SLC25A32: variants seen among roughly 807,000 people sequenced by gnomAD.
The protein encoded by SLC25A32 is Glycine auxotroph B, complementation of hamster.
In SLC25A32, 32 loss-of-function variants were observed where a neutral mutation model predicts 39.0. The observed-to-expected ratio is 0.82, with a 90% CI of 0.62 to 1.10. The LOEUF (loss-of-function observed/expected upper bound fraction) is 1.10, where lower values mean the gene tolerates loss of function less well. Among genes scored for constraint, SLC25A32 ranks in the 50% least tolerant of loss-of-function variants. The pLI, the probability that SLC25A32 is intolerant of heterozygous loss-of-function variation, is 0.00. For missense variants in SLC25A32, 367 were observed against 395.3 expected (o/e 0.93, Z 0.61); for synonymous variants, 166 against 152.4 (o/e 1.09, Z -0.66).
At chr8:103,414,354 C>G (rs747074214) in intron 1 of SLC25A32, among the ~76,000 whole-genome samples, 4 of 152,286 alleles carry the variant, frequency 2.6e-5, no homozygotes, top group Admixed American at 1.3e-4. Flanking sequence ...TAAATCTACT[C>G]CCAACCATTC....
intron 1 of SLC25A32, among the ~76,000 whole-genome samples, chr8:103,410,656 C>A (rs1216743043): frequency 6.6e-6 from 1 of 152,132 alleles, no homozygotes; most frequent in African/African-American, 2.4e-5. Context: ...ACCTCATGAT[C>A]ATTTTAAAAA....
rs190794534 is a variant in SLC25A32, at chr8:103,403,230, T to C, written c.486A>G (p.Gln162=). 12 of 1,612,986 alleles carry C rather than the reference T, an allele frequency of 7.4e-6. No individual in the cohort carries two copies. Among genetic ancestry groups the C allele is most frequent in the East Asian group, 6.7e-5 (3 of 44,822 alleles). ...YDAVVNSPHR[Q]YKGMFDTLVK... is the part of the protein sequence containing the mutation. ...CAAGTGTATCAAACATTCCTTTATATTGTCGGTGTGGGGAGTTAACAACAG... is the reference window on the plus strand; with the variant it reads ...CAAGTGTATCAAACATTCCTTTATACTGTCGGTGTGGGGAGTTAACAACAG... The change falls in exon 4 of 7, where the codon CAA becomes CAG. Residue 162 remains glutamine (Q), a synonymous_variant. Transcript: ENST00000297578.
In SLC25A32 at chr8:103,400,234, G is replaced by A. The variant is rs1816187422; in HGVS notation, c.*177C>T. On this transcript the variant is annotated 3_prime_UTR_variant, in exon 7 of 7. Coordinates refer to ENST00000297578, the MANE Select transcript of SLC25A32 (RefSeq NM_030780.5). The stretch of plus-strand genomic sequence containing the variant: ...GGTAGCCAAGTTCCATATATATGGG[G>A]AAGGCAAAAAGCAAGAAAAACATTG... The A allele has an allele frequency of 1.8e-6, 1 of 544,652 alleles. No homozygotes were observed. 33.7% of individuals were successfully genotyped at this position (544,652 alleles called of 1,614,324 possible).
At chr8:103,402,582 T>C (rs548953003) in intron 4 of SLC25A32, 4 of 152,292 alleles carry the variant, frequency 2.6e-5, no homozygotes, top group Admixed American at 1.3e-4. Context: ...AACCTATGTA[T>C]GCCTAAAAAT....
At chr8:103,404,302 A>G (rs117499883) in intron 3 of SLC25A32, among the ~76,000 whole-genome samples, 4,326 of 152,328 alleles carry the variant, frequency 0.028, 85 homozygotes, top group Middle Eastern at 0.044. Context: ...CTGCTAAGAA[A>G]TTCCATATAA....
At chr8:103,403,100 AGAC>A in intron 4 of SLC25A32, 61 bp downstream of exon 4, 1 of 1,234,186 alleles carries the variant, frequency 8.1e-7, no homozygotes, top group Non-Finnish European at 1.1e-6. Flanking sequence ...TTCAGAACTA[AGAC>A]AACAGAGCCA....
Position 103,410,372 on chromosome 8 carries a change from T to C in SLC25A32, c.155-2588A>G, listed in dbSNP as rs551097867. On this transcript the variant is annotated intron_variant, in intron 1 of 6. Transcript: ENST00000297578. ...GCGAAGCTTCATCTGTACTTACAGC[T>C]GCTCCCCATTGCTTGCATTACTGCC... is the stretch of plus-strand genomic sequence containing the variant. 3.3e-4 allele frequency among the ~76,000 whole-genome samples: 50 copies of C among 152,346 alleles called. 1 individual carries two copies. Among genetic ancestry groups the C allele is most frequent in the Non-Finnish European group, 1.3e-4 (9 of 68,030 alleles).
rs1171383483 is a variant in SLC25A32 at position 103,401,544 on chromosome 8, C to T, written c.784G>A (p.Val262Ile). 3 of 1,613,576 alleles carry T rather than the reference C, an allele frequency of 1.9e-6. No individual in the cohort carries two copies. Among genetic ancestry groups the T allele is most frequent in the Non-Finnish European group, 2.5e-6 (3 of 1,179,770 alleles). ...CATGTCTTTGTGATTACATCTATTACACCACTGTAAAACATGTGTTGATCC... is the reference window on the plus strand; with the variant it reads ...CATGTCTTTGTGATTACATCTATTATACCACTGTAAAACATGTGTTGATCC... ...LQDQHMFYSG[V>I]IDVITKTWRK... Residue 262 changes from valine (V) to isoleucine (I), a missense_variant, in exon 6 of 7, where the codon GTA becomes ATA. Coordinates refer to ENST00000297578, the MANE Select transcript of SLC25A32 (RefSeq NM_030780.5).
At chr8:103,411,142 A>G (rs1816454849) in intron 1 of SLC25A32, among the ~76,000 whole-genome samples, 1 of 152,182 alleles carries the variant, frequency 6.6e-6, no homozygotes, top group African/African-American at 2.4e-5. Flanking sequence ...TGTTTCAGTA[A>G]TGTTTGTGTG....
In SLC25A32 at chr8:103,404,989, C is replaced by T. The variant is rs554546013; in HGVS notation, c.306-128G>A. 5.6e-4 allele frequency: 282 copies of T among 507,806 alleles called. 5 individuals carry two copies. In the South Asian group the frequency reaches 9.7e-3, roughly 17 times the overall value. The allele number at this position is 507,806 out of a possible 1,614,324, so 31.5% of individuals were successfully genotyped here. On this transcript the variant is annotated intron_variant, in intron 2 of 6. Transcript: ENST00000297578. ...GCATAATGCAACCACAAAATGAGAC[C>T]TTTTTCAAGAATGAATTTGCTGGAA...
intron 6 of SLC25A32, 42 bp from the exon 7 acceptor site, chr8:103,400,588 C>A: frequency 1.2e-6 from 2 of 1,604,772 alleles, no homozygotes; most frequent in Middle Eastern, 1.7e-4. Context: ...TTGTATAGAG[C>A]TAGCTTGAAA....
rs749232294 is a variant in SLC25A32 at position 103,414,945 on chromosome 8, G to A, written c.-8C>T. 4 of 1,596,702 alleles carry A rather than the reference G, an allele frequency of 2.5e-6. No homozygotes were observed. The South Asian group carries it at 3.3e-5, about 13-fold the overall frequency. On this transcript the variant is annotated 5_prime_UTR_variant, in exon 1 of 7. Transcript: ENST00000297578. ...CTGGCCCTGGCCCGTCATAGGCTCGGGGCCCGTCGACACCACGGCGCCCAG... is the reference window on the plus strand; with the variant it reads ...CTGGCCCTGGCCCGTCATAGGCTCGAGGCCCGTCGACACCACGGCGCCCAG...
chr8:103,405,929 A>G (rs1816320259), intron 2 of SLC25A32, among the ~76,000 whole-genome samples: 1 of 152,048 alleles, frequency 6.6e-6, no homozygotes. Context: ...TTGGCCTCCT[A>G]AAGTGCTGGG....
At chr8:103,414,712 G>C in intron 1 of SLC25A32, 72 bp downstream of exon 1, 1 of 1,594,460 alleles carries the variant, frequency 6.3e-7, no homozygotes, top group South Asian at 1.1e-5. Context: ...CCCCTAGAAC[G>C]GAAAAGACGG....
At chr8:103,412,339 T>C (rs1348944875) in intron 1 of SLC25A32, among the ~76,000 whole-genome samples, 1 of 152,250 alleles carries the variant, frequency 6.6e-6, no homozygotes, top group African/African-American at 2.4e-5. Flanking sequence ...GATTAGGCTT[T>C]TGGGTATTTG....
At chr8:103,407,935 TATATATATTACATATATATATAA>T in intron 1 of SLC25A32, 151 bp from the exon 2 acceptor site, 1 of 204,548 alleles carries the variant, frequency 4.9e-6, no homozygotes, top group Non-Finnish European at 9.4e-6. Flanking sequence ...CAGGCTTTTA[TATATATATTACATATATATATAA>T]ATATATATAT....
intron 1 of SLC25A32, among the ~76,000 whole-genome samples, chr8:103,411,230 T>G (rs1816456242): frequency 6.6e-6 from 1 of 152,248 alleles, no homozygotes; most frequent in African/African-American, 2.4e-5. Context: ...CTTCTTCAGA[T>G]AACCCACCTT....
intron 1 of SLC25A32, among the ~76,000 whole-genome samples, chr8:103,409,982 G>C (rs1057051001): frequency 2.6e-5 from 4 of 152,196 alleles, no homozygotes; most frequent in Non-Finnish European, 5.9e-5. Context: ...AGGCTCTTGA[G>C]AAAGGTTTTC....
intron 2 of SLC25A32, among the ~76,000 whole-genome samples, chr8:103,405,744 T>C (rs549893361): frequency 6.6e-6 from 1 of 152,248 alleles, no homozygotes; most frequent in East Asian, 1.9e-4. Context: ...CACTGTAACC[T>C]TGAATTTCTA....
Sources: allele counts gnomAD v4.1 joint callset (sites outside exome capture counted in the v4.1 genomes callset), GRCh38; gene constraint gnomAD v4.1.1; transcripts MANE v1.5; gene names NCBI Gene and HGNC (gene_info 2026-07-23, HGNC 2026-07-21).